DTNBP1: variants seen among roughly 807,000 people sequenced by gnomAD.
The protein encoded by DTNBP1 is dysbindin.
DTNBP1 carries 35 observed loss-of-function variants against 42.8 expected under a neutral mutation model. That is an observed-to-expected ratio of 0.82 (90% confidence interval 0.63 to 1.09). The LOEUF is 1.09. DTNBP1 is among the 50% of genes least tolerant of loss of function. The pLI, the probability that DTNBP1 is intolerant of heterozygous loss-of-function variation, is 0.00. For missense variants in DTNBP1, 457 were observed against 424.2 expected (o/e 1.08, Z -0.68); for synonymous variants, 171 against 162.2 (o/e 1.05, Z -0.41).
chr6:15,639,290 T>A (rs1760204071), intron 3 of DTNBP1, among the ~76,000 whole-genome samples: 1 of 152,242 alleles, frequency 6.6e-6, no homozygotes, highest in Non-Finnish European at 1.5e-5. Context: ...AATTTTTTTG[T>A]AAATCTGAAA....
At chr6:15,621,610 C>T (rs1759046806) in intron 5 of DTNBP1, among the ~76,000 whole-genome samples, 1 of 152,146 alleles carries the variant, frequency 6.6e-6, no homozygotes, top group African/African-American at 2.4e-5. Flanking sequence ...TGAAATAGTC[C>T]GTGGTCATTT....
At chr6:15,573,650 A>G (rs1218536438) in intron 7 of DTNBP1, among the ~76,000 whole-genome samples, 1 of 152,106 alleles carries the variant, frequency 6.6e-6, no homozygotes, top group Non-Finnish European at 1.5e-5. Flanking sequence ...CTCAGAAGAA[A>G]AAAAAAACAA....
intron 6 of DTNBP1, among the ~76,000 whole-genome samples, chr6:15,609,245 ATCTTT>A (rs1263213539): frequency 6.7e-6 from 1 of 150,188 alleles, no homozygotes; most frequent in Non-Finnish European, 1.5e-5. Context: ...TTTCTACAGC[ATCTTT>A]TCTTGTCTCA....
At position 15,557,765 on chromosome 6, in the gene DTNBP1, CTTT is replaced by C. The variant is rs1477149710; in HGVS notation, c.512-24373_512-24371del. The stretch of plus-strand genomic sequence containing the variant: ...TGTATTAACAGGTAAAGGTTTTTGT[CTTT>C]TTAAAATCTTTATCATTTTGGCTAA... On this transcript the variant is annotated intron_variant, in intron 7 of 9. Transcript: ENST00000344537. Among the ~76,000 whole-genome samples the C allele has an allele frequency of 4.6e-5, 7 of 152,150 alleles. No homozygotes were observed. In the South Asian group the frequency reaches 1.4e-3, roughly 32 times the overall value.
At chr6:15,644,061 C>T (rs1027598448) in intron 3 of DTNBP1, among the ~76,000 whole-genome samples, 15 of 151,662 alleles carry the variant, frequency 9.9e-5, no homozygotes, top group African/African-American at 3.6e-4. Flanking sequence ...GTAATGACAC[C>T]CATAGGCTCA....
chr6:15,586,966 T>A (rs1003588952), intron 7 of DTNBP1, among the ~76,000 whole-genome samples: 1 of 152,192 alleles, frequency 6.6e-6, no homozygotes, highest in Admixed American at 6.5e-5. Flanking sequence ...CCTAGATTTC[T>A]ATGCATTGTC....
intron 9 of DTNBP1, chr6:15,523,562 CTT>C (rs5874516): frequency 1.3e-3 from 1,508 of 1,171,896 alleles, no homozygotes; most frequent in Middle Eastern, 4.2e-3. Flanking sequence ...ATCTAGATTT[CTT>C]TTTTTTTTTT....
rs183824700 is a variant in DTNBP1, at chr6:15,591,334, A to T, written c.511+1725T>A. 7.9e-5 allele frequency among the ~76,000 whole-genome samples: 12 copies of T among 152,216 alleles called. 1 individual carries two copies. Among genetic ancestry groups the T allele is most frequent in the Admixed American group, 7.9e-4 (12 of 15,280 alleles). The stretch of plus-strand genomic sequence containing the variant: ...AGGCTGGTCTTGAACTCCTGACCTC[A>T]GGTGATCCCCCTCGGCCTCCCAAAG... On this transcript the variant is annotated intron_variant, in intron 7 of 9. Coordinates refer to ENST00000344537, the MANE Select transcript of DTNBP1 (RefSeq NM_032122.5).
At chr6:15,642,636 G>C (rs941976381) in intron 3 of DTNBP1, among the ~76,000 whole-genome samples, 1 of 152,202 alleles carries the variant, frequency 6.6e-6, no homozygotes, top group Admixed American at 6.5e-5. Context: ...AAGGTGTTAG[G>C]TGTCAGTTCT....
intron 5 of DTNBP1, among the ~76,000 whole-genome samples, chr6:15,620,734 G>A (rs1561995998): frequency 6.6e-6 from 1 of 152,192 alleles, no homozygotes; most frequent in South Asian, 2.1e-4. Flanking sequence ...GCTACTTGGT[G>A]CATTCAGTAT....
chr6:15,590,402 T>C (rs1776248636), intron 7 of DTNBP1, among the ~76,000 whole-genome samples: 1 of 152,204 alleles, frequency 6.6e-6, no homozygotes, highest in African/African-American at 2.4e-5. Flanking sequence ...AACTCTCCTC[T>C]GTAGTTTTTT....
rs190778686 is a variant in DTNBP1, at chr6:15,632,095, C to A, written c.223-4620G>T. Among the ~76,000 whole-genome samples the A allele has an allele frequency of 5.9e-5, 9 of 152,208 alleles. No individual in the cohort carries two copies. The East Asian group carries it at 1.7e-3, about 29-fold the overall frequency. On this transcript the variant is annotated intron_variant, in intron 4 of 9. Transcript: ENST00000344537. ...TTCCTGTTTTCTCTTCTGCAATATG[C>A]CTGCTGATATCTTTTACTCACTTTT...
Position 15,662,935 on chromosome 6 carries a change from C to G in DTNBP1, c.-66G>C. On this transcript the variant is annotated 5_prime_UTR_variant, in exon 1 of 10. Coordinates refer to ENST00000344537, the MANE Select transcript of DTNBP1 (RefSeq NM_032122.5). Reference sequence around the variant, plus strand: ...CTGCTGCCTCTGTCGCCCCCTGGGTCCCACGCCGCCAACCCCGCGCTGTCA... The same window carrying G: ...CTGCTGCCTCTGTCGCCCCCTGGGTGCCACGCCGCCAACCCCGCGCTGTCA... The G allele has an allele frequency of 6.3e-7, 1 of 1,593,708 alleles. No individual in the cohort carries two copies. Among genetic ancestry groups the G allele is most frequent in the Non-Finnish European group, 8.5e-7 (1 of 1,175,134 alleles).
chr6:15,524,348 A>G (rs553024780), intron 9 of DTNBP1, 178 bp downstream of exon 9: 21 of 1,612,964 alleles, frequency 1.3e-5, no homozygotes, highest in Middle Eastern at 1.8e-4. Context: ...ACGGAACCAC[A>G]CCACTGTTGC....
At chr6:15,605,387 T>A (rs1027080541) in intron 6 of DTNBP1, among the ~76,000 whole-genome samples, 5 of 152,158 alleles carry the variant, frequency 3.3e-5, no homozygotes, top group African/African-American at 1.2e-4. Context: ...TGTTTGGAGC[T>A]ATACAGTCCT....
chr6:15,580,439 T>C lies in DTNBP1; in HGVS notation c.511+12620A>G, dbSNP rs79090611. The stretch of plus-strand genomic sequence containing the variant: ...TAGGCTGTAAAAAATTGTGGCCCTA[T>C]CTATGTACGTATAGAGATGCTTATT... On this transcript the variant is annotated intron_variant, in intron 7 of 9. Coordinates refer to ENST00000344537, the MANE Select transcript of DTNBP1 (RefSeq NM_032122.5). 5.4e-3 allele frequency among the ~76,000 whole-genome samples: 830 copies of C among 152,304 alleles called. 11 individuals are homozygous for C. Among genetic ancestry groups the C allele is most frequent in the African/African-American group, 0.018 (758 of 41,562 alleles).
At chr6:15,633,160 C>T (rs1032418666) in intron 4 of DTNBP1, among the ~76,000 whole-genome samples, 75 of 152,310 alleles carry the variant, frequency 4.9e-4, no homozygotes, top group African/African-American at 1.8e-3. Flanking sequence ...AGTTACTGCA[C>T]ACAAGCAACT....
At chr6:15,613,366 T>C (rs1758537080) in intron 6 of DTNBP1, among the ~76,000 whole-genome samples, 2 of 122,448 alleles carry the variant, frequency 1.6e-5, no homozygotes, top group African/African-American at 3.0e-5. Context: ...CATTTTTTTT[T>C]TTTTTTTTTT....
intron 6 of DTNBP1, among the ~76,000 whole-genome samples, chr6:15,593,742 T>C (rs956398613): frequency 1.1e-4 from 17 of 152,340 alleles, no homozygotes; most frequent in African/African-American, 3.8e-4. Context: ...AAGCAAGTTG[T>C]TTTGAGGCTT....
Sources: allele counts gnomAD v4.1 joint callset (sites outside exome capture counted in the v4.1 genomes callset), GRCh38; gene constraint gnomAD v4.1.1; transcripts MANE v1.5; gene names NCBI Gene and HGNC (gene_info 2026-07-23, HGNC 2026-07-21).